RUSC2: variants seen among roughly 807,000 people sequenced by gnomAD.
The protein encoded by RUSC2 is AP-4 complex accessory subunit RUSC2.
In RUSC2, 34 loss-of-function variants were observed where a neutral mutation model predicts 122.2. The ratio of observed to expected loss-of-function variants is 0.28; its 90% CI spans 0.21 to 0.37. The LOEUF is 0.37. Among genes scored for constraint, RUSC2 ranks in the 10% least tolerant of loss-of-function variants. The pLI, the probability that RUSC2 is intolerant of heterozygous loss-of-function variation, is 1.00. For missense variants in RUSC2, 1,747 were observed against 1,952.4 expected (o/e 0.89, Z 1.98); for synonymous variants, 784 against 790.0 (o/e 0.99, Z 0.13).
rs1451043438 is a variant in RUSC2, at chr9:35,560,276, G to A, written c.3636G>A (p.Arg1212=). ...AHSTLQLARA[R]GQEGPGDVDR... Reference sequence around the variant, plus strand: ...CCACGCTGCAGCTGGCCCGGGCCCGGGGCCAGGAGGGCCCTGGAGACGTGG... The same window carrying A: ...CCACGCTGCAGCTGGCCCGGGCCCGAGGCCAGGAGGGCCCTGGAGACGTGG... Residue 1212 remains arginine, a synonymous_variant, in exon 10 of 12, where the codon CGG becomes CGA. Transcript: ENST00000361226. 6.3e-7 allele frequency: 1 copy of A among 1,590,162 alleles called. No individual in the cohort carries two copies. The highest frequency in any genetic ancestry group is 8.6e-7 in the Non-Finnish European group (1 of 1,167,662).
At position 35,547,698 on chromosome 9, in the gene RUSC2, A is replaced by T. The variant is rs375230541; in HGVS notation, c.1177A>T (p.Thr393Ser). The stretch of plus-strand genomic sequence containing the variant: ...AAGCCAGGCCCGTCTTGTTGTGGCC[A>T]CACAAAATTACTATAAACTTGTCAC... ...FQSQARLVVATQNYYKLVTCD... is the reference protein window; with the variant it reads ...FQSQARLVVASQNYYKLVTCD... Residue 393 changes from threonine (T) to serine (S), a missense_variant, in exon 2 of 12, where the codon ACA becomes TCA. Transcript: ENST00000361226. The surrounding 1 kb of genome is among the most constrained non-coding windows in gnomAD (Gnocchi z 4.6). 7 of 1,614,132 alleles carry T rather than the reference A, an allele frequency of 4.3e-6. No homozygotes were observed. Among genetic ancestry groups the T allele is most frequent in the Middle Eastern group, 1.6e-4 (1 of 6,062 alleles).
intron 2 of RUSC2, among the ~76,000 whole-genome samples, chr9:35,553,540 G>C (rs189481032): frequency 6.6e-6 from 1 of 152,374 alleles, no homozygotes; most frequent in African/African-American, 2.4e-5. Context: ...TAATGGGATA[G>C]AGAGCAACTT....
rs1049791196 is a variant in RUSC2 at position 35,510,083 on chromosome 9, A to G, written c.-93+19911A>G. ...AGTTTGTTAATTGAAGTGAGTTCCTATGCCTTAAATAAAAATATGTAATAT... is the reference window on the plus strand; with the variant it reads ...AGTTTGTTAATTGAAGTGAGTTCCTGTGCCTTAAATAAAAATATGTAATAT... On this transcript the variant is annotated intron_variant, in intron 1 of 11. Coordinates refer to ENST00000361226, the MANE Select transcript of RUSC2 (RefSeq NM_014806.5). Among the ~76,000 whole-genome samples the G allele has an allele frequency of 7.9e-5, 12 of 152,330 alleles. No homozygotes were observed. The South Asian group carries it at 8.3e-4, about 11-fold the overall frequency.
chr9:35,556,757 G>A (rs923024433), intron 5 of RUSC2, among the ~76,000 whole-genome samples: 3 of 152,198 alleles, frequency 2.0e-5, no homozygotes, highest in African/African-American at 7.2e-5. Context: ...AACCCAGGAG[G>A]TGGAGGTTGC....
chr9:35,548,341 A>G lies in RUSC2; in HGVS notation c.1820A>G (p.Asp607Gly), dbSNP rs764096342. 5 of 1,613,984 alleles carry G rather than the reference A, an allele frequency of 3.1e-6. No homozygotes were observed. Among genetic ancestry groups the G allele is most frequent in the Non-Finnish European group, 4.2e-6 (5 of 1,180,014 alleles). The change falls in exon 2 of 12, where the codon GAC (aspartate) becomes GGC (glycine). Residue 607 changes from aspartate (D) to glycine (G), a missense_variant. By Grantham distance (94) the Asp-to-Gly change is moderately conservative (BLOSUM62 -1). Coordinates refer to ENST00000361226, the MANE Select transcript of RUSC2 (RefSeq NM_014806.5). This position sits in a 1 kb window ranked among gnomAD's most constrained non-coding sequence, Gnocchi z 4.5. ...LPPMPLGPGM[D>G]LLGPDPSPPW... ...CCCATGCCTTTGGGGCCAGGCATGGACCTACTTGGCCCAGACCCAAGTCCA... is the reference window on the plus strand; with the variant it reads ...CCCATGCCTTTGGGGCCAGGCATGGGCCTACTTGGCCCAGACCCAAGTCCA...
At chr9:35,528,967 C>T (rs1191638513) in intron 1 of RUSC2, among the ~76,000 whole-genome samples, 2 of 151,838 alleles carry the variant, frequency 1.3e-5, no homozygotes, top group Admixed American at 6.6e-5. Flanking sequence ...AAAAAGAAAA[C>T]AAAAAATAAA....
In RUSC2 at chr9:35,561,312, G is replaced by A; in HGVS notation, c.4481G>A (p.Gly1494Asp). Residue 1494 changes from glycine to aspartate, a missense_variant, in exon 12 of 12, where the codon GGC (glycine) becomes GAC (aspartate). By Grantham distance (94) the Gly-to-Asp change is moderately conservative. Transcript: ENST00000361226. Reference sequence around the variant, plus strand: ...CGCTGCAGCCGTGGCCCCGACTCTGGCCTGGTGCCCCTGGCCTACGTGACA... The same window carrying A: ...CGCTGCAGCCGTGGCCCCGACTCTGACCTGGTGCCCCTGGCCTACGTGACA... ...WLRCSRGPDS[G>D]LVPLAYVTLT... The A allele has an allele frequency of 6.2e-7, 1 of 1,614,132 alleles. No individual in the cohort carries two copies. Among genetic ancestry groups the A allele is most frequent in the Non-Finnish European group, 8.5e-7 (1 of 1,180,020 alleles).
At chr9:35,503,755 C>T (rs941821379) in intron 1 of RUSC2, among the ~76,000 whole-genome samples, 2 of 151,918 alleles carry the variant, frequency 1.3e-5, no homozygotes, top group Admixed American at 6.6e-5. Flanking sequence ...ACCACATCCA[C>T]AGCAACAACA....
At chr9:35,509,203 T>C (rs12380141) in intron 1 of RUSC2, among the ~76,000 whole-genome samples, 27,000 of 152,132 alleles carry the variant, frequency 0.18, 2,967 homozygotes, top group East Asian at 0.34. Context: ...GGTGCATACC[T>C]GTAGTCCCAG....
chr9:35,509,763 TA>T (rs1232943521), intron 1 of RUSC2, among the ~76,000 whole-genome samples: 3 of 152,186 alleles, frequency 2.0e-5, no homozygotes, highest in African/African-American at 7.2e-5. Flanking sequence ...ACATTTATTA[TA>T]GTTGTCATTT....
Position 35,560,270 on chromosome 9 carries a change from G to A in RUSC2, c.3630G>A (p.Arg1210=), listed in dbSNP as rs771116025. The change falls in exon 10 of 12, where the codon CGG becomes CGA. Residue 1210 remains arginine, a synonymous_variant. Transcript: ENST00000361226. ...LSAHSTLQLA[R]ARGQEGPGDV... is the part of the protein sequence containing the mutation. ...CCCACTCCACGCTGCAGCTGGCCCG[G>A]GCCCGGGGCCAGGAGGGCCCTGGAG... 1.3e-6 allele frequency: 2 copies of A among 1,589,130 alleles called. No homozygotes were observed. The highest frequency in any genetic ancestry group is 1.7e-6 in the Non-Finnish European group (2 of 1,168,280).
At chr9:35,506,913 C>T (rs564505777) in intron 1 of RUSC2, among the ~76,000 whole-genome samples, 11 of 152,006 alleles carry the variant, frequency 7.2e-5, no homozygotes, top group African/African-American at 1.2e-4. Context: ...CTTAGGGTTT[C>T]GAGACTAGCC....
In RUSC2 at chr9:35,561,351, C is replaced by CAA; in HGVS notation, c.4521_4522dup (p.Ser1508LysfsTer44). 1 of 1,613,770 alleles carries CAA rather than the reference C, an allele frequency of 6.2e-7. No homozygotes were observed. The highest frequency in any genetic ancestry group is 8.5e-7 in the Non-Finnish European group (1 of 1,179,852). ...GCCTACGTGACATTGACCCCAACTC[C>CAA]AAGTCCAACCCCTGGAAGCAGCCAA... On this transcript the variant is annotated frameshift_variant, in exon 12 of 12. Transcript: ENST00000361226. LOFTEE classifies it high-confidence loss of function.
At chr9:35,506,934 A>G (rs1012399088) in intron 1 of RUSC2, among the ~76,000 whole-genome samples, 3 of 152,104 alleles carry the variant, frequency 2.0e-5, no homozygotes, top group African/African-American at 7.2e-5. Context: ...TGAGCAACAT[A>G]GTGAAACCTC....
At chr9:35,493,679 T>G (rs950619718) in intron 1 of RUSC2, among the ~76,000 whole-genome samples, 2 of 151,932 alleles carry the variant, frequency 1.3e-5, no homozygotes, top group Non-Finnish European at 2.9e-5. Flanking sequence ...ATTTTTGTAT[T>G]GTTAGTAGAG....
intron 1 of RUSC2, among the ~76,000 whole-genome samples, chr9:35,505,394 TTCTACTCCTCC>T (rs1206286921): frequency 6.6e-6 from 1 of 152,210 alleles, no homozygotes; most frequent in African/African-American, 2.4e-5. Flanking sequence ...CACCACATAT[TTCTACTCCTCC>T]TCTAACAGTT....
chr9:35,491,715 C>A (rs1282540663), intron 1 of RUSC2, among the ~76,000 whole-genome samples: 3 of 152,136 alleles, frequency 2.0e-5, no homozygotes, highest in Non-Finnish European at 4.4e-5. Context: ...TTTGGGAGGC[C>A]CAGGTGGGCG....
chr9:35,520,866 G>A (rs1304004322), intron 1 of RUSC2, among the ~76,000 whole-genome samples: 1 of 152,108 alleles, frequency 6.6e-6, no homozygotes, highest in Non-Finnish European at 1.5e-5. Flanking sequence ...CTAGCATTGA[G>A]AGACTTTAGC....
At chr9:35,498,843 CAAAAA>C (rs751545845) in intron 1 of RUSC2, among the ~76,000 whole-genome samples, 1 of 86,452 alleles carries the variant, frequency 1.2e-5, no homozygotes, top group Non-Finnish European at 2.4e-5. Context: ...GACTACATCT[CAAAAA>C]AAAAAAAACA....
Sources: gnomAD v4.1 joint callset for allele counts (sites outside exome capture counted in the v4.1 genomes callset) on GRCh38, gnomAD v4.1.1 for gene constraint, Gnocchi (gnomAD v3.1) non-coding constraint, MANE v1.5 for transcripts, NCBI Gene and HGNC (gene_info 2026-07-23, HGNC 2026-07-21) for gene names.